The following TCF12 variants were observed in gnomAD, a reference collection of about 807,000 sequenced individuals.
TCF12 encodes transcription factor 12, also known as DNA-binding protein HTF4.
TCF12 carries 45 observed loss-of-function variants against 86.0 expected under a neutral mutation model. The observed-to-expected ratio is 0.52, with a 90% confidence interval of 0.41 to 0.67. The LOEUF (loss-of-function observed/expected upper bound fraction) is 0.67, where lower values mean the gene tolerates loss of function less well. Among genes scored for constraint, TCF12 ranks in the 30% least tolerant of loss-of-function variants. TCF12 has a pLI of 0.00. For synonymous variants in TCF12, 330 were observed against 299.6 expected (o/e 1.10, Z -1.05); for missense variants, 881 against 859.9 (o/e 1.02, Z -0.31).
intron 3 of TCF12, among the ~76,000 whole-genome samples, chr15:57,049,324 C>T (rs1331932944): frequency 3.9e-5 from 6 of 152,154 alleles, no homozygotes; most frequent in African/African-American, 1.4e-4. Context: ...CGTCTGCTTC[C>T]CAGGAACTAC....
chr15:57,176,542 G>T (rs1019409487), intron 6 of TCF12, among the ~76,000 whole-genome samples: 5 of 152,168 alleles, frequency 3.3e-5, no homozygotes, highest in Non-Finnish European at 5.9e-5. Flanking sequence ...CCATACTCAA[G>T]TGGTGATATT....
chr15:57,247,691 C>G (rs1401212412), intron 13 of TCF12: 3 of 746,016 alleles, frequency 4.0e-6, no homozygotes, highest in South Asian at 2.8e-5. Context: ...TAGATGGGCA[C>G]CAGACTTTAC....
intron 6 of TCF12, among the ~76,000 whole-genome samples, chr15:57,181,988 A>C (rs1190393543): frequency 2.6e-5 from 4 of 152,198 alleles, no homozygotes; most frequent in African/African-American, 9.6e-5. Flanking sequence ...ACTATAAAAA[A>C]GATTATTTTC....
At chr15:57,215,821 G>T (rs2151839325) in intron 8 of TCF12, among the ~76,000 whole-genome samples, 1 of 152,078 alleles carries the variant, frequency 6.6e-6, no homozygotes, top group East Asian at 1.9e-4. Flanking sequence ...CCAAATATCA[G>T]GATAAAAATG....
Position 57,129,591 on chromosome 15 carries a change from A to G in TCF12, c.326-36811A>G, listed in dbSNP as rs1348020270. Among the ~76,000 whole-genome samples the G allele has an allele frequency of 2.0e-5, 3 of 152,164 alleles. No homozygotes were observed. In the East Asian group the frequency reaches 5.8e-4, roughly 29 times the overall value. On this transcript the variant is annotated intron_variant, in intron 5 of 20. Coordinates refer to ENST00000333725, the MANE Select transcript of TCF12 (RefSeq NM_207037.2). ...GCATAATTTCATGGGTTTATTGACT[A>G]CTTGTGTATCTTCTTTGGAGGAAAC... is the stretch of plus-strand genomic sequence containing the variant.
Position 57,152,021 on chromosome 15 carries a change from A to G in TCF12, c.326-14381A>G, listed in dbSNP as rs77095313. 2.3e-3 allele frequency among the ~76,000 whole-genome samples: 344 copies of G among 152,262 alleles called. 1 individual carries two copies. The highest frequency in any genetic ancestry group is 6.8e-3 in the Middle Eastern group (2 of 294). On this transcript the variant is annotated intron_variant, in intron 5 of 20. Coordinates refer to ENST00000333725, the MANE Select transcript of TCF12 (RefSeq NM_207037.2). ...AGCTGAGGATGAAATACTAACAGAA[A>G]AGTTTTACAGCACCCCAGCCACGTG...
chr15:57,187,202 A>G (rs563342629), intron 6 of TCF12, among the ~76,000 whole-genome samples: 1 of 151,756 alleles, frequency 6.6e-6, no homozygotes. Flanking sequence ...TTCTGACAAA[A>G]TCCAACACTC....
At chr15:57,266,581 G>A (rs1396347057) in intron 18 of TCF12, among the ~76,000 whole-genome samples, 8 of 152,154 alleles carry the variant, frequency 5.3e-5, no homozygotes, top group African/African-American at 1.9e-4. Flanking sequence ...TTTGAGAAAA[G>A]TATGAAAAAG....
chr15:57,168,891 C>T (rs1352421137), intron 6 of TCF12, among the ~76,000 whole-genome samples: 1 of 151,976 alleles, frequency 6.6e-6, no homozygotes, highest in African/African-American at 2.4e-5. Context: ...ACTAAGCATA[C>T]AAAAATTAGC....
intron 12 of TCF12, among the ~76,000 whole-genome samples, chr15:57,240,338 A>G (rs1345019221): frequency 1.3e-5 from 2 of 152,208 alleles, no homozygotes. Flanking sequence ...AATACAGTGT[A>G]AGCACTATGA....
intron 5 of TCF12, among the ~76,000 whole-genome samples, chr15:57,107,933 A>G (rs187612390): frequency 2.4e-4 from 36 of 152,208 alleles, no homozygotes; most frequent in Non-Finnish European, 1.0e-4. Flanking sequence ...AATACATACA[A>G]ACATGCATTC....
chr15:57,227,405 T>A (rs1224835066), intron 8 of TCF12, among the ~76,000 whole-genome samples: 1 of 152,100 alleles, frequency 6.6e-6, no homozygotes, highest in Non-Finnish European at 1.5e-5. Flanking sequence ...CTAAACTGAA[T>A]CATCTGAGCA....
At chr15:57,251,480 G>T (rs1041006607) in intron 14 of TCF12, 57 bp downstream of exon 14, 269 of 1,543,904 alleles carry the variant, frequency 1.7e-4, no homozygotes, top group Non-Finnish European at 2.2e-4. Context: ...TTTGTTTTTG[G>T]TCAATCTGGC....
At chr15:57,264,194 G>GGTTTTTTT (rs1567013145) in intron 18 of TCF12, among the ~76,000 whole-genome samples, 1 of 15,458 alleles carries the variant, frequency 6.5e-5, no homozygotes, top group Non-Finnish European at 1.4e-4. Flanking sequence ...TCTTTTGTAA[G>GGTTTTTTT]CTTTTTTTTT....
intron 3 of TCF12, among the ~76,000 whole-genome samples, chr15:56,961,897 C>T (rs1160780075): frequency 5.9e-5 from 9 of 151,912 alleles, no homozygotes; most frequent in African/African-American, 2.2e-4. Context: ...AATCCCAGCA[C>T]TTTGGGAGGC....
chr15:57,252,108 T>A (rs925310781), intron 14 of TCF12: 24 of 260,016 alleles, frequency 9.2e-5, no homozygotes, highest in African/African-American at 5.1e-4. Context: ...TAAGTCATGC[T>A]CTTATTCGTA....
chr15:57,240,879 C>CAAAAAAAAAAAAAAAAAA (rs68154303), intron 12 of TCF12, among the ~76,000 whole-genome samples: 30 of 65,686 alleles, frequency 4.6e-4, no homozygotes, highest in African/African-American at 1.6e-3. Context: ...GACCCTGTCT[C>CAAAAAAAAAAAAAAAAAA]AAAAAAAAAA....
intron 3 of TCF12, among the ~76,000 whole-genome samples, chr15:57,015,604 A>T (rs1343026986): frequency 1.3e-5 from 2 of 152,194 alleles, no homozygotes; most frequent in African/African-American, 4.8e-5. Flanking sequence ...CAGGCCCTTC[A>T]TGGTTGACAC....
rs541965786 is a variant in TCF12, at chr15:56,970,892, A to C, written c.148+49794A>C. Among the ~76,000 whole-genome samples the C allele has an allele frequency of 2.9e-4, 41 of 142,260 alleles. No homozygotes were observed. The East Asian group carries it at 8.4e-3, about 29-fold the overall frequency. 93.3% of individuals were successfully genotyped at this position (142,260 alleles called of 152,430 possible). A position where few individuals can be genotyped will look rare whatever the true frequency, so the allele number is the denominator to read the frequency against. On this transcript the variant is annotated intron_variant, in intron 3 of 20. Transcript: ENST00000333725. The stretch of plus-strand genomic sequence containing the variant: ...TAGGGAGACCCTGTCTCTACAAAAA[A>C]TAAAAAAAAAAATTAGCTGGGCATG...
Sources: allele counts gnomAD v4.1 joint callset (sites outside exome capture counted in the v4.1 genomes callset), GRCh38; gene constraint gnomAD v4.1.1; transcripts MANE v1.5; gene names NCBI Gene and HGNC (gene_info 2026-07-23, HGNC 2026-07-21).